Variants in EVI5 observed in about 807,000 individuals in gnomAD.
EVI5 encodes the protein ecotropic viral integration site 5 protein homolog.
EVI5 carries 73 observed loss-of-function variants against 112.0 expected under a neutral mutation model. The ratio of observed to expected loss-of-function variants is 0.65; its 90% CI spans 0.54 to 0.79. The LOEUF is 0.79. Among genes scored for constraint, EVI5 ranks in the 30% least tolerant of loss-of-function variants. EVI5 has a pLI of 0.00. For missense variants in EVI5, 900 were observed against 968.8 expected, an observed-to-expected ratio of 0.93 and a Z score of 0.94; for synonymous variants, 305 against 319.9, an observed-to-expected ratio of 0.95 and a Z score of 0.50.
chr1:92,537,164 A>T (rs1018293403), intron 19 of EVI5, among the ~76,000 whole-genome samples: 5 of 152,168 alleles, frequency 3.3e-5, no homozygotes, highest in Non-Finnish European at 7.4e-5. Context: ...ACCCCTAACC[A>T]AATGAACTTT....
intron 19 of EVI5, among the ~76,000 whole-genome samples, chr1:92,531,511 G>C (rs1045547070): frequency 1.3e-5 from 2 of 152,068 alleles, no homozygotes; most frequent in African/African-American, 4.8e-5. Flanking sequence ...TTGAAATGAA[G>C]GAAAAAATAT....
intron 9 of EVI5, among the ~76,000 whole-genome samples, chr1:92,689,509 T>C (rs1250806947): frequency 1.3e-5 from 2 of 152,120 alleles, no homozygotes; most frequent in Admixed American, 1.3e-4. Flanking sequence ...ACCACAGGTG[T>C]GCTGGCGCCA....
rs200198372 is a variant in EVI5 at position 92,695,264 on chromosome 1, T to C, written c.909+46A>G. 9.7e-6 allele frequency: 15 copies of C among 1,540,476 alleles called. No homozygotes were observed. In the East Asian group the frequency reaches 3.2e-4, roughly 32 times the overall value. On this transcript the variant is annotated intron_variant, in intron 7 of 19. Coordinates refer to ENST00000684568, the MANE Select transcript of EVI5 (RefSeq NM_001350197.2). ...CATTGCCCTGCTCTCACTAACTCAGTGACCCCTTTGCTCAGCTCCTGCTCT... is the reference window on the plus strand; with the variant it reads ...CATTGCCCTGCTCTCACTAACTCAGCGACCCCTTTGCTCAGCTCCTGCTCT...
Position 92,605,379 on chromosome 1 carries a change from C to T in EVI5, c.1998G>A (p.Val666=). The T allele has an allele frequency of 6.2e-7, 1 of 1,612,462 alleles. No individual in the cohort carries two copies. The change falls in exon 18 of 20, where the codon GTG becomes GTA. Residue 666 remains valine (V), a synonymous_variant. Coordinates refer to ENST00000684568, the MANE Select transcript of EVI5 (RefSeq NM_001350197.2). The stretch of plus-strand genomic sequence containing the variant: ...CTATGCTATCTGCTTCCCGAAGCCT[C>T]ACAGCCATCACTTCTTCCTTATTCT... ...ECKNKEEVMA[V]RLREADSIAA...
At chr1:92,595,965 C>A (rs1647713501) in intron 18 of EVI5, among the ~76,000 whole-genome samples, 1 of 152,088 alleles carries the variant, frequency 6.6e-6, no homozygotes, top group Non-Finnish European at 1.5e-5. Flanking sequence ...TCCTTTTATT[C>A]CTGGAAAAAA....
intron 2 of EVI5, chr1:92,733,079 A>G (rs1391599802): frequency 4.6e-6 from 1 of 217,572 alleles, no homozygotes; most frequent in African/African-American, 2.3e-5. Context: ...GAAAAAAAAA[A>G]TTAACAGCTA....
intron 16 of EVI5, among the ~76,000 whole-genome samples, chr1:92,614,360 G>A (rs1418212351): frequency 6.6e-6 from 1 of 152,158 alleles, no homozygotes; most frequent in Non-Finnish European, 1.5e-5. Flanking sequence ...AACAGAACCA[G>A]CATTACATAT....
At chr1:92,787,564 T>C (rs1685727401), upstream of EVI5, among the ~76,000 whole-genome samples, 1 of 26,378 alleles carries the variant, frequency 3.8e-5, no homozygotes, top group Admixed American at 4.9e-4. Flanking sequence ...AAACCCTATC[T>C]TTACAAAAAA....
chr1:92,729,862 A>G (rs1251965142), intron 2 of EVI5, among the ~76,000 whole-genome samples: 1 of 152,222 alleles, frequency 6.6e-6, no homozygotes, highest in African/African-American at 2.4e-5. Context: ...ATTTTAGCAA[A>G]TTGAATCCAA....
intron 2 of EVI5, among the ~76,000 whole-genome samples, chr1:92,719,898 C>T (rs1004207821): frequency 6.6e-6 from 1 of 151,926 alleles, no homozygotes; most frequent in African/African-American, 2.4e-5. Context: ...AACAGACAGC[C>T]AAATTATGAG....
intron 19 of EVI5, among the ~76,000 whole-genome samples, chr1:92,562,178 A>G (rs980270426): frequency 6.6e-6 from 1 of 152,168 alleles, no homozygotes; most frequent in East Asian, 1.9e-4. Context: ...AAGAATAAAG[A>G]TTTCTACAAC....
intron 2 of EVI5, among the ~76,000 whole-genome samples, chr1:92,710,813 G>C (rs1182874158): frequency 6.6e-6 from 1 of 152,126 alleles, no homozygotes; most frequent in Non-Finnish European, 1.5e-5. Flanking sequence ...CGAGAGTCTA[G>C]GAGTGGTTGC....
intron 1 of EVI5, among the ~76,000 whole-genome samples, chr1:92,791,475 T>C (rs985616692): frequency 6.6e-6 from 1 of 152,144 alleles, no homozygotes; most frequent in African/African-American, 2.4e-5. Flanking sequence ...TAATAGCTAT[T>C]GTAATTGCTA....
chr1:92,560,098 C>A (rs531931147), intron 19 of EVI5, among the ~76,000 whole-genome samples: 31 of 152,192 alleles, frequency 2.0e-4, no homozygotes, highest in Non-Finnish European at 4.3e-4. Flanking sequence ...TATAAACTGG[C>A]ATAAATCACT....
chr1:92,641,661 T>A (rs1055339530), intron 13 of EVI5, among the ~76,000 whole-genome samples: 3 of 152,164 alleles, frequency 2.0e-5, no homozygotes, highest in African/African-American at 4.8e-5. Context: ...TACTCTGGAA[T>A]AGGTTTCTAC....
chr1:92,747,453 C>G (rs916916523), intron 1 of EVI5, among the ~76,000 whole-genome samples: 1 of 151,982 alleles, frequency 6.6e-6, no homozygotes, highest in East Asian at 1.9e-4. Flanking sequence ...GTGGCTCATG[C>G]CTGTAATCCC....
intron 18 of EVI5, among the ~76,000 whole-genome samples, chr1:92,581,206 A>T (rs1413836040): frequency 6.6e-6 from 1 of 152,192 alleles, no homozygotes; most frequent in Non-Finnish European, 1.5e-5. Flanking sequence ...ACTTTTCTAT[A>T]GTCTCAGGAA....
intron 16 of EVI5, among the ~76,000 whole-genome samples, chr1:92,609,282 G>A (rs967348243): frequency 6.6e-6 from 1 of 152,176 alleles, no homozygotes; most frequent in Non-Finnish European, 1.5e-5. Context: ...TGCCTTTTGA[G>A]ACTATGTTGT....
intron 19 of EVI5, among the ~76,000 whole-genome samples, chr1:92,529,033 C>T (rs1261377866): frequency 6.6e-6 from 1 of 152,144 alleles, no homozygotes; most frequent in Non-Finnish European, 1.5e-5. Flanking sequence ...CTTCCACTAG[C>T]ATACCTCTTG....
Sources: gnomAD v4.1 joint callset for allele counts (sites outside exome capture counted in the v4.1 genomes callset) on GRCh38, gnomAD v4.1.1 for gene constraint, MANE v1.5 for transcripts, NCBI Gene and HGNC (gene_info 2026-07-23, HGNC 2026-07-21) for gene names.